The following GLG1 variants were observed in gnomAD, a reference collection of about 807,000 sequenced individuals.
GLG1 encodes golgi glycoprotein 1.
A neutral mutation model predicts 160.5 loss-of-function variants in GLG1; 38 were observed. The ratio of observed to expected loss-of-function variants is 0.24; its 90% CI spans 0.18 to 0.31. GLG1 has a LOEUF of 0.31. GLG1 is among the 10% of genes least tolerant of loss of function. GLG1 has a pLI of 1.00. For missense variants in GLG1, 1,373 were observed against 1,505.2 expected (o/e 0.91, Z 1.45); for synonymous variants, 644 against 543.4 (o/e 1.19, Z -2.57).
intron 6 of GLG1, among the ~76,000 whole-genome samples, chr16:74,494,403 CTTTT>C (rs3973383): frequency 1.4e-5 from 1 of 70,130 alleles, no homozygotes. Flanking sequence ...ATTGAGAAAG[CTTTT>C]TTTTTTTTTT....
intron 25 of GLG1, among the ~76,000 whole-genome samples, chr16:74,456,303 G>A (rs774923868): frequency 2.0e-5 from 3 of 152,212 alleles, no homozygotes; most frequent in Non-Finnish European, 4.4e-5. Flanking sequence ...GGGCAGCCAA[G>A]GAATTCTAAA....
intron 4 of GLG1, among the ~76,000 whole-genome samples, chr16:74,498,306 C>T (rs1408183040): frequency 6.7e-6 from 1 of 149,024 alleles, no homozygotes; most frequent in Non-Finnish European, 1.5e-5. Context: ...GTGGTGTGCA[C>T]CTGTAATCCC....
At chr16:74,554,468 A>G (rs1463088839) in intron 1 of GLG1, among the ~76,000 whole-genome samples, 1 of 152,234 alleles carries the variant, frequency 6.6e-6, no homozygotes, top group Non-Finnish European at 1.5e-5. Flanking sequence ...CAGGAAGCAG[A>G]GGTTGCAGTG....
intron 4 of GLG1, among the ~76,000 whole-genome samples, chr16:74,502,093 C>T (rs1040891700): frequency 6.6e-6 from 1 of 152,198 alleles, no homozygotes; most frequent in Non-Finnish European, 1.5e-5. Flanking sequence ...TGATAGACGC[C>T]TGCCAACCAT....
intron 1 of GLG1, among the ~76,000 whole-genome samples, chr16:74,563,623 A>T (rs2018567950): frequency 6.6e-6 from 1 of 151,480 alleles, no homozygotes; most frequent in Non-Finnish European, 1.5e-5. Context: ...GCTATTTGCG[A>T]GGCTGAGGTG....
At position 74,452,712 on chromosome 16, in the gene GLG1, C is replaced by CT; in HGVS notation, c.*454dup. ...GGTGTGCTTCCCCTCCAAGTCCTGT[C>CT]TTTGTTTTACACAGTCATATGAAAG... On this transcript the variant is annotated 3_prime_UTR_variant, in exon 26 of 26. Coordinates refer to ENST00000422840, the MANE Select transcript of GLG1 (RefSeq NM_001145667.2). The CT allele has an allele frequency of 1.0e-6, 1 of 992,352 alleles. No homozygotes were observed. The highest frequency in any genetic ancestry group is 1.2e-6 in the Non-Finnish European group (1 of 834,010). The allele number at this position is 992,352 out of a possible 1,614,324, so 61.5% of individuals were successfully genotyped here.
At chr16:74,539,901 T>C (rs576650519) in intron 1 of GLG1, among the ~76,000 whole-genome samples, 147 of 139,368 alleles carry the variant, frequency 1.1e-3, no homozygotes, top group African/African-American at 3.7e-3. Flanking sequence ...TCTCATCTTC[T>C]ATGCCCAAAG....
At chr16:74,594,480 G>A (rs889607046) in intron 1 of GLG1, among the ~76,000 whole-genome samples, 1 of 152,086 alleles carries the variant, frequency 6.6e-6, no homozygotes, top group East Asian at 1.9e-4. Context: ...TTAGATTCCA[G>A]TCCACACTCC....
chr16:74,545,265 CA>C (rs1393411945), intron 1 of GLG1, among the ~76,000 whole-genome samples: 31 of 152,130 alleles, frequency 2.0e-4, no homozygotes, highest in Non-Finnish European at 3.8e-4. Flanking sequence ...ACTGAAGCCT[CA>C]ACCTCCCAGC....
Position 74,496,601 on chromosome 16 carries a change from C to A in GLG1, c.818G>T (p.Gly273Val), listed in dbSNP as rs187061091. 1.1e-4 allele frequency: 178 copies of A among 1,613,312 alleles called. 2 individuals carry two copies. The highest frequency in any genetic ancestry group is 3.2e-4 in the South Asian group (29 of 91,056). ...QGEVVSCLEK[G>V]LVKEAEEREP... Reference sequence around the variant, plus strand: ...TCTTTCTTCTGCTTCTTTCACCAGGCCTTTCTCCAAGCATGATACCACCTC... The same window carrying A: ...TCTTTCTTCTGCTTCTTTCACCAGGACTTTCTCCAAGCATGATACCACCTC... The change falls in exon 5 of 26, where the codon GGC (glycine) becomes GTC (valine). Residue 273 changes from glycine to valine, a missense_variant. Physicochemically the swap from Gly to Val is moderately radical, Grantham distance 109. Transcript: ENST00000422840.
intron 2 of GLG1, among the ~76,000 whole-genome samples, chr16:74,511,599 A>AG (rs1555511808): frequency 9.3e-4 from 137 of 146,612 alleles, no homozygotes; most frequent in African/African-American, 3.1e-3. Flanking sequence ...AAAAAAAAAA[A>AG]AAAGAAAGAA....
At chr16:74,515,183 A>T (rs2016940715) in intron 2 of GLG1, among the ~76,000 whole-genome samples, 1 of 152,202 alleles carries the variant, frequency 6.6e-6, no homozygotes, top group African/African-American at 2.4e-5. Context: ...TTAGACTCTC[A>T]CACAATAATA....
chr16:74,458,901 C>T (rs937150425), intron 23 of GLG1, among the ~76,000 whole-genome samples: 6 of 152,058 alleles, frequency 3.9e-5, no homozygotes, highest in Non-Finnish European at 7.4e-5. Context: ...CATAAGGGAA[C>T]TATGGGAGGT....
chr16:74,597,937 A>G (rs533808642), intron 1 of GLG1, among the ~76,000 whole-genome samples: 83 of 151,820 alleles, frequency 5.5e-4, no homozygotes, highest in Admixed American at 8.5e-4. Context: ...AATCGCTTGA[A>G]CCCGGGAGCC....
intron 2 of GLG1, among the ~76,000 whole-genome samples, chr16:74,520,298 G>C (rs1448743486): frequency 6.6e-6 from 1 of 152,044 alleles, no homozygotes; most frequent in Non-Finnish European, 1.5e-5. Flanking sequence ...CTCTGCCTTG[G>C]TGTATTCCCT....
intron 1 of GLG1, among the ~76,000 whole-genome samples, chr16:74,568,666 C>A (rs972438453): frequency 1.3e-5 from 2 of 152,112 alleles, no homozygotes; most frequent in African/African-American, 4.8e-5. Context: ...GATCCGCCCA[C>A]CTCGGCCTCC....
intron 1 of GLG1, among the ~76,000 whole-genome samples, chr16:74,554,260 G>A (rs1175189698): frequency 3.9e-5 from 6 of 152,326 alleles, no homozygotes; most frequent in Admixed American, 2.0e-4. Flanking sequence ...AGAGCCAGGC[G>A]CCGTGACTCA....
chr16:74,531,074 T>A (rs2017516773), intron 2 of GLG1, among the ~76,000 whole-genome samples: 1 of 152,206 alleles, frequency 6.6e-6, no homozygotes, highest in African/African-American at 2.4e-5. Context: ...AGATATATAT[T>A]TTTAAAACAT....
intron 4 of GLG1, among the ~76,000 whole-genome samples, chr16:74,497,357 C>G (rs1339264163): frequency 6.7e-6 from 1 of 149,934 alleles, no homozygotes; most frequent in African/African-American, 2.4e-5. Context: ...TAGTTCATGT[C>G]AAGACTGAAA....
Sources: allele counts gnomAD v4.1 joint callset (sites outside exome capture counted in the v4.1 genomes callset), GRCh38; gene constraint gnomAD v4.1.1; transcripts MANE v1.5; gene names NCBI Gene and HGNC (gene_info 2026-07-23, HGNC 2026-07-21).